Variants in REPS2 observed in about 807,000 individuals in gnomAD.
The protein encoded by REPS2 is RALBP1 associated Eps domain containing 2, also known as ralBP1-associated Eps domain-containing protein 2.
In REPS2, 23 loss-of-function variants were observed where a neutral mutation model predicts 53.6. The observed-to-expected ratio is 0.43, with a 90% confidence interval of 0.31 to 0.61. REPS2 has a LOEUF of 0.61. Among genes scored for constraint, REPS2 ranks in the 20% least tolerant of loss-of-function variants. The pLI, the probability that REPS2 is intolerant of heterozygous loss-of-function variation, is 0.11. For synonymous variants in REPS2, 238 were observed against 218.6 expected (o/e 1.09, Z -0.78); for missense variants, 446 against 534.9 (o/e 0.83, Z 1.64).
chrX:17,070,396 T>C (rs1165912292), intron 11 of REPS2, among the ~76,000 whole-genome samples: 1 of 112,007 alleles, frequency 8.9e-6, no homozygotes, highest in Non-Finnish European at 1.9e-5. Flanking sequence ...AAAGCAGAAA[T>C]CTCAAATATT....
At chrX:17,061,900 A>G (rs2062163367) in intron 8 of REPS2, among the ~76,000 whole-genome samples, 1 of 112,549 alleles carries the variant, frequency 8.9e-6, no homozygotes, top group African/African-American at 3.2e-5. Flanking sequence ...GCAAGAATTT[A>G]TGCTCTTATT....
chrX:16,953,100 A>AACACACAC (rs68090119), intron 1 of REPS2, among the ~76,000 whole-genome samples: 30 of 97,234 alleles, frequency 3.1e-4, no homozygotes, highest in African/African-American at 7.6e-4. Context: ...CCAAAAAACA[A>AACACACAC]ACACACACAC....
At chrX:16,982,002 T>A (rs1004859837) in intron 1 of REPS2, among the ~76,000 whole-genome samples, 3 of 111,360 alleles carry the variant, frequency 2.7e-5, no homozygotes, top group Non-Finnish European at 5.6e-5. Context: ...TAACAACCAC[T>A]AACCTACTTT....
chrX:17,183,577 C>T, the REPS2 span, among the ~76,000 whole-genome samples: 1 of 111,993 alleles, frequency 8.9e-6, no homozygotes, highest in Non-Finnish European at 1.9e-5. Flanking sequence ...TCCCTTCTCA[C>T]GACCACCACT....
chrX:17,057,793 A>C lies in REPS2; in HGVS notation c.1114+2843A>C, dbSNP rs189978835. On this transcript the variant is annotated intron_variant, in intron 8 of 17. Transcript: ENST00000357277. The stretch of plus-strand genomic sequence containing the variant: ...AAGAAGCACTGGCATTCTGGGGGCT[A>C]TCTTGACGCCTACATGGCTCTCATT... Among the ~76,000 whole-genome samples the C allele has an allele frequency of 6.2e-3, 698 of 112,472 alleles. 2 individuals are homozygous for C. The highest frequency in any genetic ancestry group is 0.01 in the Non-Finnish European group (538 of 53,281).
intron 1 of REPS2, among the ~76,000 whole-genome samples, chrX:16,965,275 C>T (rs1264620380): frequency 1.8e-5 from 2 of 109,204 alleles, no homozygotes; most frequent in Non-Finnish European, 3.9e-5. Context: ...GCTGATCCCC[C>T]CACCTCCCTC....
intron 14 of REPS2, among the ~76,000 whole-genome samples, chrX:17,106,441 T>C (rs1456786683): frequency 3.0e-5 from 3 of 101,301 alleles, no homozygotes; most frequent in Non-Finnish European, 6.0e-5. Context: ...TGAGACGGAG[T>C]GTCGCACTAT....
At chrX:17,182,855 A>G in the REPS2 span, among the ~76,000 whole-genome samples, 4 of 111,408 alleles carry the variant, frequency 3.6e-5, no homozygotes, top group East Asian at 2.8e-4. Context: ...GGGAGGTACT[A>G]TTATTACCTC....
chrX:16,996,151 G>A (rs769564016), intron 1 of REPS2, among the ~76,000 whole-genome samples: 26 of 111,440 alleles, frequency 2.3e-4, no homozygotes, highest in Admixed American at 4.8e-4. Context: ...AAAGACAGAC[G>A]AGAGGAAGAC....
chrX:17,064,691 A>T (rs1399074047), intron 9 of REPS2, among the ~76,000 whole-genome samples: 4 of 112,268 alleles, frequency 3.6e-5, no homozygotes, highest in Non-Finnish European at 1.9e-5. Flanking sequence ...TTTTTATTAT[A>T]TTAACAGTTG....
At chrX:17,027,030 G>A (rs1272125852) in intron 4 of REPS2, among the ~76,000 whole-genome samples, 1 of 111,730 alleles carries the variant, frequency 9.0e-6, no homozygotes, top group Non-Finnish European at 1.9e-5. Flanking sequence ...CTGGACTCAA[G>A]CGATCCGCTC....
Position 16,974,785 on chromosome X carries a change from G to C in REPS2, c.273+27651G>C, listed in dbSNP as rs150104410. On this transcript the variant is annotated intron_variant, in intron 1 of 17. Coordinates refer to ENST00000357277, the MANE Select transcript of REPS2 (RefSeq NM_004726.3). ...TTGTATAGGTAAATTCTTGTCACGG[G>C]GGTTTGTTGTACAGATTATTTCATT... 3.6e-3 allele frequency among the ~76,000 whole-genome samples: 403 copies of C among 111,021 alleles called. 2 individuals are homozygous for C. Among genetic ancestry groups the C allele is most frequent in the Non-Finnish European group, 2.0e-3 (107 of 52,987 alleles).
At chrX:17,141,103 T>G (rs1667717151) in intron 17 of REPS2, among the ~76,000 whole-genome samples, 1 of 111,924 alleles carries the variant, frequency 8.9e-6, no homozygotes, top group Non-Finnish European at 1.9e-5. Context: ...TTGCTGAGTT[T>G]GTAACAAGTA....
At chrX:17,026,468 T>C (rs1325124389) in intron 4 of REPS2, among the ~76,000 whole-genome samples, 3 of 109,708 alleles carry the variant, frequency 2.7e-5, no homozygotes, top group African/African-American at 1.0e-4. Context: ...TTTTTTTTTT[T>C]TTCCTATTTC....
intron 13 of REPS2, among the ~76,000 whole-genome samples, chrX:17,092,578 C>T (rs1233785788): frequency 1.8e-5 from 2 of 109,462 alleles, no homozygotes; most frequent in Non-Finnish European, 3.8e-5. Flanking sequence ...TACCTAGTAT[C>T]CCACTTTATT....
intron 6 of REPS2, among the ~76,000 whole-genome samples, chrX:17,048,937 C>T (rs2061943658): frequency 1.8e-5 from 2 of 111,826 alleles, no homozygotes; most frequent in Admixed American, 9.4e-5. Context: ...GCTCTGTCGC[C>T]CAGGCTGGAG....
intron 14 of REPS2, among the ~76,000 whole-genome samples, chrX:17,121,121 G>A (rs2063135706): frequency 8.9e-6 from 1 of 111,842 alleles, no homozygotes; most frequent in African/African-American, 3.3e-5. Context: ...CTTGCAGTGG[G>A]TAGGCCTCCC....
intron 14 of REPS2, among the ~76,000 whole-genome samples, chrX:17,111,152 A>G (rs1365754450): frequency 8.9e-6 from 1 of 112,536 alleles, no homozygotes; most frequent in Admixed American, 9.4e-5. Context: ...TTTAATGTGA[A>G]CAATAGAGAA....
At chrX:16,953,903 G>A (rs2060557139) in intron 1 of REPS2, among the ~76,000 whole-genome samples, 2 of 111,631 alleles carry the variant, frequency 1.8e-5, no homozygotes, top group African/African-American at 6.5e-5. Flanking sequence ...TCTTGAGCGT[G>A]CTAGGGGATG....
Sources: allele counts gnomAD v4.1 joint callset (sites outside exome capture counted in the v4.1 genomes callset), GRCh38; gene constraint gnomAD v4.1.1; transcripts MANE v1.5; gene names NCBI Gene and HGNC (gene_info 2026-07-23, HGNC 2026-07-21).